ELAC2: variants seen among roughly 807,000 people sequenced by gnomAD.
ELAC2 encodes zinc phosphodiesterase ELAC protein 2.
Under a neutral mutation model 105.2 loss-of-function variants are expected in ELAC2, and 92 were observed. The ratio of observed to expected loss-of-function variants is 0.87; its 90% CI spans 0.74 to 1.04. The LOEUF (loss-of-function observed/expected upper bound fraction) is 1.04, where lower values mean the gene tolerates loss of function less well. Among genes scored for constraint, ELAC2 ranks in the 50% least tolerant of loss-of-function variants. The probability of loss-of-function intolerance (pLI) is 0.00; values close to 1 mark genes in which losing one functional copy is unlikely to be tolerated. For missense variants in ELAC2, 1,099 were observed against 1,071.7 expected, an observed-to-expected ratio of 1.03 and a Z score of -0.36; for synonymous variants, 468 against 409.1, an observed-to-expected ratio of 1.14 and a Z score of -1.74.
chr17:12,995,694 G>C lies in ELAC2; in HGVS notation c.1808+9C>G. 1 of 1,606,066 alleles carries C rather than the reference G, an allele frequency of 6.2e-7. No homozygotes were observed. Among genetic ancestry groups the C allele is most frequent in the Non-Finnish European group, 8.5e-7 (1 of 1,176,640 alleles). ...CAGCCCAGCGGGCCAGGCTGCCCTG[G>C]ATGCTCACCTGATGTGGTGCAGGAC... On this transcript the variant is annotated intron_variant, in intron 19 of 23. Coordinates refer to ENST00000338034, the MANE Select transcript of ELAC2 (RefSeq NM_018127.7).
intron 8 of ELAC2, among the ~76,000 whole-genome samples, chr17:13,009,974 G>C (rs2041322185): frequency 7.6e-6 from 1 of 130,904 alleles, no homozygotes; most frequent in Admixed American, 8.5e-5. Context: ...CTAGGCGATG[G>C]AGACAGACAT....
intron 16 of ELAC2, among the ~76,000 whole-genome samples, chr17:12,997,646 A>G (rs929716958): frequency 1.3e-5 from 2 of 152,156 alleles, no homozygotes; most frequent in African/African-American, 2.4e-5. Context: ...CCCAGATTGT[A>G]TATTTCTGAT....
At chr17:13,003,838 G>A (rs898229362) in intron 11 of ELAC2, 3 of 500,730 alleles carry the variant, frequency 6.0e-6, no homozygotes, top group South Asian at 2.0e-5. Context: ...TCTCAGCACT[G>A]CACTTCCTTC....
In ELAC2 at chr17:13,017,326, TG is replaced by T. The variant is rs2041795995; in HGVS notation, c.246-206del. 4 of 653,404 alleles carry T rather than the reference TG, an allele frequency of 6.1e-6. No individual in the cohort carries two copies. In the Admixed American group the frequency reaches 1.1e-4, roughly 18 times the overall value. The allele number at this position is 653,404 out of a possible 1,614,324, so 40.5% of individuals were successfully genotyped here. A position where few individuals can be genotyped will look rare whatever the true frequency, so the allele number is the denominator to read the frequency against. ...GGAGAGGAGTGGGGGCCTGTGTGTG[TG>T]GGTGCTAGGACAAAATGAGTCCTTT... On this transcript the variant is annotated intron_variant, in intron 1 of 23. Transcript: ENST00000338034.
At chr17:12,999,846 A>AC (rs1381957328) in intron 15 of ELAC2, among the ~76,000 whole-genome samples, 1 of 152,052 alleles carries the variant, frequency 6.6e-6, no homozygotes, top group African/African-American at 2.4e-5. Context: ...TTTAGTAGAG[A>AC]CGGGGTTTCA....
chr17:13,006,130 G>A (rs971738655), intron 8 of ELAC2, 151 bp from the exon 9 acceptor site: 15 of 784,622 alleles, frequency 1.9e-5, no homozygotes, highest in Middle Eastern at 2.9e-4. Context: ...CAGTACTTTC[G>A]GAGGCTGAGG....
At chr17:13,010,564 G>T in intron 8 of ELAC2, 49 bp downstream of exon 8, 3 of 1,562,450 alleles carry the variant, frequency 1.9e-6, no homozygotes, top group Non-Finnish European at 2.6e-6. Context: ...ACCAGAGGTC[G>T]CTGACCAAGA....
rs142803912 is a variant in ELAC2, at chr17:13,010,651, C to T, written c.700G>A (p.Val234Ile). 1.4e-4 allele frequency: 224 copies of T among 1,614,114 alleles called. 1 individual carries two copies. The highest frequency in any genetic ancestry group is 1.2e-3 in the South Asian group (112 of 91,086). Residue 234 changes from valine to isoleucine, a missense_variant, in exon 8 of 24, where the codon GTC becomes ATC. Physicochemically the swap from Val to Ile is conservative, Grantham distance 29 (BLOSUM62 3). Transcript: ENST00000338034. ...GCTACGACCAGGGAAGAGTCCCTGA[C>T]CCCTCTTCTCTGGCTAACACCTGAG... ...LPHGVSQRRG[V>I]RDSSLVVAFI...
chr17:13,003,372 C>T (rs2040928565), intron 12 of ELAC2, 107 bp downstream of exon 12: 6 of 1,022,252 alleles, frequency 5.9e-6, no homozygotes, highest in Non-Finnish European at 9.3e-6. Context: ...AAAGTTTAGG[C>T]AGGTGCAGAA....
chr17:13,015,097 C>A (rs1262264617), intron 4 of ELAC2, among the ~76,000 whole-genome samples: 1 of 152,168 alleles, frequency 6.6e-6, no homozygotes, highest in Non-Finnish European at 1.5e-5. Flanking sequence ...CCATGAAGGG[C>A]TTTAGGGTGG....
intron 23 of ELAC2, 46 bp from the exon 24 acceptor site, chr17:12,993,091 G>A (rs762446590): frequency 6.3e-7 from 1 of 1,580,710 alleles, no homozygotes; most frequent in Non-Finnish European, 8.6e-7. Flanking sequence ...GAGGGGCAGG[G>A]GTGGGGGACA....
Position 12,992,949 on chromosome 17 carries a change from TCTCCCTGCGCTC to T in ELAC2, c.2338_2349del (p.Glu780_Glu783del), listed in dbSNP as rs1395507635. The T allele has an allele frequency of 1.9e-6, 3 of 1,602,674 alleles. No homozygotes were observed. The African/African-American group carries it at 4.0e-5, about 21-fold the overall frequency. On this transcript the variant is annotated inframe_deletion, in exon 24 of 24. Transcript: ENST00000338034. ...GCCCGCACCTGCCGCAGCTCCCGCT[TCTCCCTGCGCTC>T]CTCCATCTCCTCGATGTCGCCAGCA... is the stretch of plus-strand genomic sequence containing the variant.
intron 4 of ELAC2, 94 bp downstream of exon 4, chr17:13,015,674 A>C: frequency 9.8e-7 from 1 of 1,023,704 alleles, no homozygotes; most frequent in Non-Finnish European, 1.6e-6. Context: ...GTATCTCTGG[A>C]GGGCAGAAGA....
Position 13,017,992 on chromosome 17 carries a change from C to A in ELAC2, c.-45G>T, listed in dbSNP as rs1030332950. The A allele has an allele frequency of 1.3e-6, 2 of 1,533,858 alleles. No homozygotes were observed. The highest frequency in any genetic ancestry group is 3.9e-5 in the Admixed American group (2 of 50,966). On this transcript the variant is annotated 5_prime_UTR_variant, in exon 1 of 24. Transcript: ENST00000338034. ...CTGAGAAAGCCGCCGGTCACCTACG[C>A]CCGCGTTTCCCGTGCACCACCTAGC...
intron 8 of ELAC2, among the ~76,000 whole-genome samples, chr17:13,010,033 GA>G (rs1216318490): frequency 3.3e-5 from 5 of 150,108 alleles, no homozygotes; most frequent in Non-Finnish European, 7.4e-5. Context: ...CAGGGCACTG[GA>G]AAAAAATTTA....
Position 13,002,475 on chromosome 17 carries a change from T to A in ELAC2, c.1184A>T (p.Asp395Val). 1 of 1,609,550 alleles carries A rather than the reference T, an allele frequency of 6.2e-7. No individual in the cohort carries two copies. The highest frequency in any genetic ancestry group is 8.5e-7 in the Non-Finnish European group (1 of 1,177,684). Residue 395 changes from aspartate (D) to valine (V), a missense_variant, in exon 13 of 24, where the codon GAC becomes GTC. Physicochemically the swap from Asp to Val is radical, Grantham distance 152. Coordinates refer to ENST00000338034, the MANE Select transcript of ELAC2 (RefSeq NM_018127.7). ...IQTQLNLIHPDIFPLLTSFRC... is the reference protein window; with the variant it reads ...IQTQLNLIHPVIFPLLTSFRC... ...GAAACTGGTGAGCAGGGGGAAGATG[T>A]CCGGGTGGATGAGGTTGAGCTGGGT...
chr17:13,014,999 G>A (rs1054766040), intron 4 of ELAC2, among the ~76,000 whole-genome samples: 7 of 152,248 alleles, frequency 4.6e-5, no homozygotes, highest in African/African-American at 1.7e-4. Flanking sequence ...GTTCAGCGAT[G>A]GGTACAGATG....
intron 1 of ELAC2, 92 bp downstream of exon 1, chr17:13,017,611 C>G (rs1278874972): frequency 4.4e-6 from 7 of 1,592,632 alleles, no homozygotes; most frequent in Non-Finnish European, 6.0e-6. Context: ...ATGTGTGAAG[C>G]AGGGAAGCCG....
chr17:12,999,245 T>TTTA (rs1251371211), intron 15 of ELAC2, among the ~76,000 whole-genome samples: 5 of 152,262 alleles, frequency 3.3e-5, no homozygotes, highest in Non-Finnish European at 7.3e-5. Context: ...GAACTGTCAT[T>TTTA]TATTTCAAGA....
Sources: allele counts gnomAD v4.1 joint callset (sites outside exome capture counted in the v4.1 genomes callset), GRCh38; gene constraint gnomAD v4.1.1; transcripts MANE v1.5; gene names NCBI Gene and HGNC (gene_info 2026-07-23, HGNC 2026-07-21).